Variants in BCLAF3 observed in about 807,000 individuals in gnomAD.
BCLAF3 encodes the protein BCLAF1 and THRAP3 family member 3, also known as transient octamer binding factor 1.
Under a neutral mutation model 51.2 loss-of-function variants are expected in BCLAF3, and 24 were observed. The ratio of observed to expected loss-of-function variants is 0.47; its 90% CI spans 0.34 to 0.66. The LOEUF (loss-of-function observed/expected upper bound fraction) is 0.66. BCLAF3 is among the 30% of genes least tolerant of loss of function. The pLI, the probability that BCLAF3 is intolerant of heterozygous loss-of-function variation, is 0.01. For synonymous variants in BCLAF3, 152 were observed against 176.6 expected, an observed-to-expected ratio of 0.86 and a Z score of 1.10; for missense variants, 465 against 525.1, an observed-to-expected ratio of 0.89 and a Z score of 1.12.
chrX:19,929,275 G>A (rs1167795710), intron 11 of BCLAF3: 3 of 111,540 alleles, frequency 2.7e-5, no homozygotes, highest in Admixed American at 1.9e-4. Flanking sequence ...AATTAGTGTC[G>A]CTGAACTGTA....
At chrX:19,939,054 C>T (rs184276963) in intron 8 of BCLAF3, among the ~76,000 whole-genome samples, 278 of 111,903 alleles carry the variant, frequency 2.5e-3, no homozygotes, top group Middle Eastern at 0.014. Context: ...AATAGACACT[C>T]GGGGTTTTTT....
At chrX:19,946,854 G>A (rs2071323882) in intron 8 of BCLAF3, among the ~76,000 whole-genome samples, 1 of 111,612 alleles carries the variant, frequency 9.0e-6, no homozygotes, top group African/African-American at 3.3e-5. Flanking sequence ...TCACAACCCA[G>A]CTACATTTTT....
intron 1 of BCLAF3, among the ~76,000 whole-genome samples, chrX:19,981,713 C>G (rs2072617568): frequency 8.9e-6 from 1 of 112,407 alleles, no homozygotes; most frequent in Non-Finnish European, 1.9e-5. Context: ...AGTACCAATA[C>G]ATGCTACAAC....
chrX:19,949,224 T>C (rs2071400269), intron 8 of BCLAF3, among the ~76,000 whole-genome samples: 1 of 111,561 alleles, frequency 9.0e-6, no homozygotes, highest in African/African-American at 3.3e-5. Context: ...CTCATCACTT[T>C]ACTTAATCTT....
rs1338798749 is a variant in BCLAF3 at position 19,914,459 on chromosome X, C to T, written c.*2846G>A. 1 of 108,959 alleles carries T rather than the reference C, an allele frequency of 9.2e-6. No individual in the cohort carries two copies. Among genetic ancestry groups the T allele is most frequent in the Non-Finnish European group, 1.9e-5 (1 of 52,593 alleles). 9.0% of individuals were successfully genotyped at this position (108,959 alleles called of 1,213,427 possible). ...ATAAAGACAATAAGAGTTTCTCATC[C>T]AGCTTTACTTTTCTTGCTTCTGCCT... On this transcript the variant is annotated 3_prime_UTR_variant, in exon 12 of 12. Coordinates refer to ENST00000379682, the MANE Select transcript of BCLAF3 (RefSeq NM_001367774.2).
chrX:19,953,429 G>A (rs1362751021), intron 6 of BCLAF3, among the ~76,000 whole-genome samples: 10 of 112,047 alleles, frequency 8.9e-5, no homozygotes, highest in Non-Finnish European at 1.7e-4. Context: ...GTGACCACAC[G>A]AAGCAACATA....
rs1348170968 is a variant in BCLAF3, at chrX:19,966,309, T to G, written c.382A>C (p.Asn128His). ...EGIPYKEHERNSYPQKVQGGH... is the reference protein window; with the variant it reads ...EGIPYKEHERHSYPQKVQGGH... ...CCTTGCACTTTCTGGGGATAAGAATTCCTTTCATGCTCTTTGTAGGGTATA... is the reference window on the plus strand; with the variant it reads ...CCTTGCACTTTCTGGGGATAAGAATGCCTTTCATGCTCTTTGTAGGGTATA... Residue 128 changes from asparagine to histidine, a missense_variant, in exon 3 of 12, where the codon AAT (asparagine) becomes CAT (histidine). Coordinates refer to ENST00000379682, the MANE Select transcript of BCLAF3 (RefSeq NM_001367774.2). 1 of 1,211,693 alleles carries G rather than the reference T, an allele frequency of 8.3e-7. No homozygotes were observed. Among genetic ancestry groups the G allele is most frequent in the Non-Finnish European group, 1.1e-6 (1 of 895,449 alleles).
At chrX:19,945,937 G>A (rs2071271234) in intron 8 of BCLAF3, among the ~76,000 whole-genome samples, 1 of 108,601 alleles carries the variant, frequency 9.2e-6, no homozygotes, top group South Asian at 4.0e-4. Context: ...TTCCGTGGGC[G>A]TAGGACCCTC....
intron 4 of BCLAF3, among the ~76,000 whole-genome samples, chrX:19,960,462 A>G (rs1222227430): frequency 8.9e-6 from 1 of 111,956 alleles, no homozygotes; most frequent in East Asian, 2.8e-4. Context: ...GCCCCCTAAG[A>G]GACACCAAGA....
At chrX:19,971,991 GA>G (rs1352626384) in intron 1 of BCLAF3, among the ~76,000 whole-genome samples, 1 of 111,806 alleles carries the variant, frequency 8.9e-6, no homozygotes. Flanking sequence ...AATTTCAAAA[GA>G]AAGTAAAAGC....
At chrX:19,957,107 AG>A (rs1211290926) in intron 4 of BCLAF3, among the ~76,000 whole-genome samples, 2 of 112,018 alleles carry the variant, frequency 1.8e-5, no homozygotes, top group Non-Finnish European at 3.8e-5. Flanking sequence ...CAGCGTTGCC[AG>A]GGTCAACTCC....
At chrX:19,942,102 T>A (rs988977605) in intron 8 of BCLAF3, among the ~76,000 whole-genome samples, 4 of 75,444 alleles carry the variant, frequency 5.3e-5, no homozygotes, top group Non-Finnish European at 7.1e-5. Context: ...AGAATGCTTG[T>A]GATTTTTGTA....
rs188237899 is a variant in BCLAF3, at chrX:19,930,708, A to G, written c.1951-768T>C. 74 of 136,066 alleles carry G rather than the reference A, an allele frequency of 5.4e-4. 1 individual carries two copies. Among genetic ancestry groups the G allele is most frequent in the African/African-American group, 2.2e-3 (70 of 31,344 alleles). The allele number at this position is 136,066 out of a possible 1,213,427, so 11.2% of individuals were successfully genotyped here. A position where few individuals can be genotyped will look rare whatever the true frequency, so the allele number is the denominator to read the frequency against. Reference sequence around the variant, plus strand: ...ATCAAACCAAATTTTTAAAACTGTTAAGTTAAAAGAATTTGAGGGCGGGCA... The same window carrying G: ...ATCAAACCAAATTTTTAAAACTGTTGAGTTAAAAGAATTTGAGGGCGGGCA... On this transcript the variant is annotated intron_variant, in intron 10 of 11. Transcript: ENST00000379682.
chrX:19,967,869 T>C (rs1234128520), intron 2 of BCLAF3, among the ~76,000 whole-genome samples: 1 of 112,229 alleles, frequency 8.9e-6, no homozygotes, highest in African/African-American at 3.2e-5. Flanking sequence ...TATACTGAAC[T>C]TGGCAATATT....
Position 19,965,285 on chromosome X carries a change from A to G in BCLAF3, c.1033T>C (p.Ser345Pro), listed in dbSNP as rs1332411294. ...DGQVKEPFKPSKKDSIACTYS... is the reference protein window; with the variant it reads ...DGQVKEPFKPPKKDSIACTYS... ...GTACAGGCAATGCTGTCTTTCTTAG[A>G]CGGTTTAAAAGGTTCTTTGACTTGT... The change falls in exon 4 of 12, where the codon TCT becomes CCT. Residue 345 changes from serine (S) to proline (P), a missense_variant. Coordinates refer to ENST00000379682, the MANE Select transcript of BCLAF3 (RefSeq NM_001367774.2). 1 of 1,210,726 alleles carries G rather than the reference A, an allele frequency of 8.3e-7. No homozygotes were observed. The highest frequency in any genetic ancestry group is 1.1e-6 in the Non-Finnish European group (1 of 895,226).
intron 11 of BCLAF3, among the ~76,000 whole-genome samples, chrX:19,920,573 A>C (rs2070114652): frequency 9.0e-6 from 1 of 111,578 alleles, no homozygotes; most frequent in Non-Finnish European, 1.9e-5. Context: ...TAGTCCCAGC[A>C]CTTTGGGAGG....
intron 9 of BCLAF3, among the ~76,000 whole-genome samples, chrX:19,936,408 T>C (rs1247856687): frequency 8.9e-6 from 1 of 111,944 alleles, no homozygotes; most frequent in Non-Finnish European, 1.9e-5. Context: ...AGTCTGTAAC[T>C]ATGAAGAACC....
chrX:19,953,693 G>A, intron 6 of BCLAF3, 85 bp downstream of exon 6: 1 of 679,448 alleles, frequency 1.5e-6, no homozygotes, highest in African/African-American at 2.1e-5. Flanking sequence ...CAAGTGAGCA[G>A]GTTCGGAAAG....
rs779505494 is a variant in BCLAF3, at chrX:19,917,287, C to T, written c.*18G>A. ...AAACATCCTCCTGTAGCGTCATTTC[C>T]ATTTGTACGATTTCAGATTAGATTC... is the stretch of plus-strand genomic sequence containing the variant. On this transcript the variant is annotated 3_prime_UTR_variant, in exon 12 of 12. Coordinates refer to ENST00000379682, the MANE Select transcript of BCLAF3 (RefSeq NM_001367774.2). 1 of 1,196,456 alleles carries T rather than the reference C, an allele frequency of 8.4e-7. No homozygotes were observed. Among genetic ancestry groups the T allele is most frequent in the Admixed American group, 2.2e-5 (1 of 45,520 alleles).
Sources: gnomAD v4.1 joint callset for allele counts (sites outside exome capture counted in the v4.1 genomes callset) on GRCh38, gnomAD v4.1.1 for gene constraint, MANE v1.5 for transcripts, NCBI Gene and HGNC (gene_info 2026-07-23, HGNC 2026-07-21) for gene names.